The following TBC1D22A variants were observed in gnomAD, a reference collection of about 807,000 sequenced individuals.
TBC1D22A encodes the protein TBC1 domain family member 22A.
In TBC1D22A, 38 loss-of-function variants were observed where a neutral mutation model predicts 60.2. The observed-to-expected ratio is 0.63, with a 90% CI of 0.49 to 0.83. The LOEUF is 0.83. Among genes scored for constraint, TBC1D22A ranks in the 40% least tolerant of loss-of-function variants. TBC1D22A has a pLI of 0.00. For missense variants in TBC1D22A, 628 were observed against 701.0 expected (o/e 0.90, Z 1.18); for synonymous variants, 302 against 281.7 (o/e 1.07, Z -0.72).
intron 10 of TBC1D22A, among the ~76,000 whole-genome samples, chr22:47,015,739 C>G (rs200289381): frequency 6.6e-6 from 1 of 152,188 alleles, no homozygotes; most frequent in Non-Finnish European, 1.5e-5. Flanking sequence ...GGCCACCAGC[C>G]GCCTCGTGGT....
intron 4 of TBC1D22A, among the ~76,000 whole-genome samples, chr22:46,809,927 TAATCTTC>T (rs2085311463): frequency 6.6e-6 from 1 of 152,262 alleles, no homozygotes; most frequent in African/African-American, 2.4e-5. Flanking sequence ...CATGCTGCTA[TAATCTTC>T]ATAACCATCA....
chr22:47,019,979 G>GCCCTCCATCCTCCCCTCTCCCTTAA (rs2062032052), intron 10 of TBC1D22A, among the ~76,000 whole-genome samples: 1 of 86,394 alleles, frequency 1.2e-5, no homozygotes, highest in Non-Finnish European at 2.6e-5. Context: ...CTCTCCCTTA[G>GCCCTCCATCCTCCCCTCTCCCTTAA]CCCTCCATCC....
At chr22:46,975,856 G>A (rs982588870) in intron 9 of TBC1D22A, among the ~76,000 whole-genome samples, 2 of 152,226 alleles carry the variant, frequency 1.3e-5, no homozygotes, top group African/African-American at 4.8e-5. Flanking sequence ...GGAGAAAGTA[G>A]AAGCCTGTTG....
At chr22:46,891,529 T>C (rs1421200488) in intron 6 of TBC1D22A, 135 bp downstream of exon 6, 1 of 894,856 alleles carries the variant, frequency 1.1e-6, no homozygotes, top group Non-Finnish European at 1.5e-6. Flanking sequence ...AGCTCACAGA[T>C]TTTTATTTTC....
intron 1 of TBC1D22A, among the ~76,000 whole-genome samples, chr22:46,788,116 T>G (rs1382259032): frequency 6.6e-6 from 1 of 151,960 alleles, no homozygotes; most frequent in Admixed American, 6.6e-5. Context: ...TTTTGTATTT[T>G]TAGTAGAGAC....
At chr22:46,891,201 C>T in intron 5 of TBC1D22A, 65 bp from the exon 6 acceptor site, 1 of 1,484,550 alleles carries the variant, frequency 6.7e-7, no homozygotes, top group South Asian at 1.4e-5. Context: ...TTATTTCACG[C>T]TTAATAATAG....
At chr22:47,051,888 G>C (rs1324601727) in intron 11 of TBC1D22A, among the ~76,000 whole-genome samples, 1 of 152,256 alleles carries the variant, frequency 6.6e-6, no homozygotes, top group East Asian at 1.9e-4. Context: ...TGCTGTTCCA[G>C]AATCTTACCC....
intron 4 of TBC1D22A, among the ~76,000 whole-genome samples, chr22:46,820,694 A>G: frequency 6.6e-6 from 1 of 152,252 alleles, no homozygotes. Context: ...ACTGAGAAGA[A>G]TGTATATTCT....
intron 8 of TBC1D22A, among the ~76,000 whole-genome samples, chr22:46,919,477 C>G (rs1363727123): frequency 2.0e-5 from 3 of 152,180 alleles, no homozygotes; most frequent in Non-Finnish European, 2.9e-5. Context: ...TTTTGACTAA[C>G]AGGAATAACG....
In TBC1D22A at chr22:47,003,942, A is replaced by ACACACCCTACGCACGCATGCCTGTATACC. The variant is rs2061491125; in HGVS notation, c.1201+6261_1201+6262insCCACACCCTACGCACGCATGCCTGTATAC. Among the ~76,000 whole-genome samples, 2 of 137,466 alleles carry ACACACCCTACGCACGCATGCCTGTATACC rather than the reference A, an allele frequency of 1.5e-5. 1 individual carries two copies. 90.2% of individuals were successfully genotyped at this position (137,466 alleles called of 152,430 possible). On this transcript the variant is annotated intron_variant, in intron 10 of 12. Transcript: ENST00000337137. The stretch of plus-strand genomic sequence containing the variant: ...ACCCTACGCACGCATGCCTGTATAC[A>ACACACCCTACGCACGCATGCCTGTATACC]CACACCCTACGCACGCATGCCTGTA...
At chr22:46,763,676 G>A (rs1010609579) in intron 1 of TBC1D22A, 13 of 152,136 alleles carry the variant, frequency 8.5e-5, no homozygotes, top group Admixed American at 2.0e-4. Flanking sequence ...ATTGTGTTAC[G>A]AAGATAAGTC....
chr22:46,813,241 A>G (rs1437571349), intron 4 of TBC1D22A, among the ~76,000 whole-genome samples: 2 of 152,246 alleles, frequency 1.3e-5, no homozygotes, highest in East Asian at 3.8e-4. Flanking sequence ...TTCCATCAGA[A>G]GTCATTGAAA....
chr22:46,877,285 G>A (rs1236040476), intron 4 of TBC1D22A, among the ~76,000 whole-genome samples: 1 of 152,218 alleles, frequency 6.6e-6, no homozygotes, highest in Non-Finnish European at 1.5e-5. Flanking sequence ...CAAAGCTTGA[G>A]CAGAGTTTGA....
chr22:47,031,132 G>A (rs572714841), intron 10 of TBC1D22A, among the ~76,000 whole-genome samples: 1 of 152,332 alleles, frequency 6.6e-6, no homozygotes, highest in South Asian at 2.1e-4. Flanking sequence ...GGCCACCATG[G>A]TCTCGTGCTG....
At chr22:47,168,604 G>A (rs1248500297) in intron 12 of TBC1D22A, among the ~76,000 whole-genome samples, 1 of 152,142 alleles carries the variant, frequency 6.6e-6, no homozygotes, top group Non-Finnish European at 1.5e-5. Context: ...GCTGCTGCCC[G>A]TTCTCACATG....
intron 8 of TBC1D22A, among the ~76,000 whole-genome samples, chr22:46,940,668 G>A (rs1020180574): frequency 7.0e-6 from 1 of 142,532 alleles, no homozygotes. Context: ...TGAACAGCAT[G>A]GGGACCGGGG....
chr22:46,762,868 C>G lies in TBC1D22A; in HGVS notation c.62+20C>G, dbSNP rs1180969499. The G allele has an allele frequency of 6.8e-7, 1 of 1,469,014 alleles. No homozygotes were observed. The highest frequency in any genetic ancestry group is 1.4e-5 in the South Asian group (1 of 72,004). The allele number at this position is 1,469,014 out of a possible 1,614,324, so 91.0% of individuals were successfully genotyped here. On this transcript the variant is annotated intron_variant, in intron 1 of 12. Coordinates refer to ENST00000337137, the MANE Select transcript of TBC1D22A (RefSeq NM_014346.5). Reference sequence around the variant, plus strand: ...GGGCAGGTGGGTGTGCCGCGGAGGGCCAGGTCGGGGTCAGGGGTCAGAGGT... The same window carrying G: ...GGGCAGGTGGGTGTGCCGCGGAGGGGCAGGTCGGGGTCAGGGGTCAGAGGT...
At chr22:46,942,051 A>G (rs548629398) in intron 8 of TBC1D22A, among the ~76,000 whole-genome samples, 12 of 145,526 alleles carry the variant, frequency 8.2e-5, no homozygotes, top group African/African-American at 2.8e-4. Flanking sequence ...CACACAGTCC[A>G]CCCTTGAACA....
intron 12 of TBC1D22A, among the ~76,000 whole-genome samples, chr22:47,126,209 T>C (rs1211397404): frequency 6.6e-6 from 1 of 152,230 alleles, no homozygotes; most frequent in Non-Finnish European, 1.5e-5. Flanking sequence ...CTTGAACTCC[T>C]GACCTCAGGT....
Sources: gnomAD v4.1 joint callset for allele counts (sites outside exome capture counted in the v4.1 genomes callset) on GRCh38, gnomAD v4.1.1 for gene constraint, MANE v1.5 for transcripts, NCBI Gene and HGNC (gene_info 2026-07-23, HGNC 2026-07-21) for gene names.